The following BOP1 variants were observed in gnomAD, a reference collection of about 807,000 sequenced individuals.
BOP1 encodes the protein BOP1 ribosomal biogenesis factor, also known as ribosome biogenesis protein BOP1.
A neutral mutation model predicts 82.9 loss-of-function variants in BOP1; 54 were observed. That is an observed-to-expected ratio of 0.65 (90% CI 0.52 to 0.82). The LOEUF is 0.82. Among genes scored for constraint, BOP1 ranks in the 40% least tolerant of loss-of-function variants. The pLI is 0.00. For synonymous variants in BOP1, 566 were observed against 451.1 expected, an observed-to-expected ratio of 1.25 and a Z score of -3.23; for missense variants, 1,170 against 1,072.0, an observed-to-expected ratio of 1.09 and a Z score of -1.28.
chr8:144,283,974 G>C (rs527641596), intron 2 of BOP1, among the ~76,000 whole-genome samples: 1 of 152,194 alleles, frequency 6.6e-6, no homozygotes. Flanking sequence ...GACATTAGCC[G>C]GGCGTGATGA....
chr8:144,290,708 C>G (rs1158797462), intron 1 of BOP1, among the ~76,000 whole-genome samples: 1 of 152,314 alleles, frequency 6.6e-6, no homozygotes, highest in South Asian at 2.1e-4. Flanking sequence ...ATTCGCTTCA[C>G]AAAGCAATGG....
chr8:144,265,093 T>TC lies in BOP1; in HGVS notation c.391-23dup, dbSNP rs2130201550. The TC allele has an allele frequency of 2.5e-6, 4 of 1,600,574 alleles. No homozygotes were observed. In the East Asian group the frequency reaches 8.9e-5, roughly 36 times the overall value. On this transcript the variant is annotated intron_variant, in intron 3 of 15. Transcript: ENST00000569669. ...TGTCCTGCAGCCGGGGGCCACCATGTCGGCATCTGATCCTACAAGGCCCAC... is the reference window on the plus strand; with the variant it reads ...TGTCCTGCAGCCGGGGGCCACCATGTCCGGCATCTGATCCTACAAGGCCCAC...
chr8:144,270,678 G>A (rs111271654), intron 3 of BOP1, among the ~76,000 whole-genome samples: 4,966 of 152,206 alleles, frequency 0.033, 104 homozygotes, highest in Non-Finnish European at 0.05. Context: ...CCAGGCCTGC[G>A]GCAGCCCACC....
In BOP1 at chr8:144,273,430, A is replaced by G. The variant is rs1554838037; in HGVS notation, c.390+2794T>C. 2.0e-5 allele frequency among the ~76,000 whole-genome samples: 3 copies of G among 152,326 alleles called. No homozygotes were observed. The East Asian group carries it at 5.8e-4, about 29-fold the overall frequency. On this transcript the variant is annotated intron_variant, in intron 3 of 15. Coordinates refer to ENST00000569669, the MANE Select transcript of BOP1 (RefSeq NM_015201.5). ...TCGTGGGGGACGGCCCCAGGCCAGC[A>G]CCACGGGGCACAGGAAAGGGACAGC...
rs1815054120 is a variant in BOP1 at position 144,291,083 on chromosome 8, C to T, written c.99+189G>A. Among the ~76,000 whole-genome samples the T allele has an allele frequency of 6.6e-6, 1 of 151,786 alleles. No individual in the cohort carries two copies. The highest frequency in any genetic ancestry group is 2.1e-4 in the South Asian group (1 of 4,816). On this transcript the variant is annotated intron_variant, in intron 1 of 15. Transcript: ENST00000569669. This position sits in a 1 kb window ranked among gnomAD's most constrained non-coding sequence, Gnocchi z 4.1. ...CTCCCCCGTTTCTTTGCTTCCCGGA[C>T]GCCGTCCTTTACCCCGCAGTCCGCT...
At chr8:144,289,583 T>A (rs1041330111) in intron 1 of BOP1, among the ~76,000 whole-genome samples, 17 of 152,180 alleles carry the variant, frequency 1.1e-4, no homozygotes, top group African/African-American at 4.1e-4. Context: ...GACAACCTCC[T>A]CCTCTTGGAG....
chr8:144,268,448 T>C (rs1845432422), intron 3 of BOP1: 2 of 544,762 alleles, frequency 3.7e-6, no homozygotes, highest in Non-Finnish European at 6.5e-6. Context: ...TCTGAAAATT[T>C]TGTATAATTA....
Position 144,264,474 on chromosome 8 carries a change from G to A in BOP1, c.766-37C>T, listed in dbSNP as rs979043581. 7.5e-3 allele frequency: 12,074 copies of A among 1,607,574 alleles called. 57 individuals are homozygous for A. The highest frequency in any genetic ancestry group is 9.1e-3 in the Non-Finnish European group (10,725 of 1,179,204). On this transcript the variant is annotated intron_variant, in intron 6 of 15. Coordinates refer to ENST00000569669, the MANE Select transcript of BOP1 (RefSeq NM_015201.5). ...GCCGGGTCAGGACGGGCAGTGCGGG[G>A]CGGTCAGCCCAGGCCAAGCCCCAGG...
chr8:144,264,884 C>T, intron 4 of BOP1, 33 bp downstream of exon 4: 1 of 1,608,814 alleles, frequency 6.2e-7, no homozygotes, highest in Non-Finnish European at 8.5e-7. Flanking sequence ...TCGGGCCCAC[C>T]CCGGCTGCTG....
In BOP1 at chr8:144,276,184, C is replaced by G. The variant is rs903921496; in HGVS notation, c.390+40G>C. ...AGCACCTGCTAGGCTGTGATGGAAG[C>G]CGCCCCACCCTGCCCAGTGGGAAGC... is the stretch of plus-strand genomic sequence containing the variant. On this transcript the variant is annotated intron_variant, in intron 3 of 15. Coordinates refer to ENST00000569669, the MANE Select transcript of BOP1 (RefSeq NM_015201.5). The G allele has an allele frequency of 6.3e-5, 102 of 1,607,784 alleles. No individual in the cohort carries two copies. The African/African-American group carries it at 1.2e-3, about 19-fold the overall frequency.
intron 2 of BOP1, among the ~76,000 whole-genome samples, chr8:144,277,124 C>T (rs984180155): frequency 4.6e-5 from 7 of 152,354 alleles, no homozygotes; most frequent in African/African-American, 7.2e-5. Flanking sequence ...GTAAAGTGCT[C>T]GGGCGCAGGA....
Position 144,281,517 on chromosome 8 carries a change from CCAGG to C in BOP1, c.310-5217_310-5214del, listed in dbSNP as rs1845680582. 6.8e-5 allele frequency among the ~76,000 whole-genome samples: 4 copies of C among 58,948 alleles called. 1 individual carries two copies. The highest frequency in any genetic ancestry group is 2.0e-4 in the African/African-American group (4 of 19,780). 38.7% of individuals were successfully genotyped at this position (58,948 alleles called of 152,430 possible). A position where few individuals can be genotyped will look rare whatever the true frequency, so the allele number is the denominator to read the frequency against. The stretch of plus-strand genomic sequence containing the variant: ...TCTTTGGCCTTCCCTCAGTTTAATA[CCAGG>C]TCTTCGGCCTTCCCTCAGTTTAATA... On this transcript the variant is annotated intron_variant, in intron 2 of 15. Coordinates refer to ENST00000569669, the MANE Select transcript of BOP1 (RefSeq NM_015201.5).
chr8:144,279,084 C>A (rs587684834), intron 2 of BOP1, among the ~76,000 whole-genome samples: 1 of 39,978 alleles, frequency 2.5e-5, no homozygotes, highest in South Asian at 1.0e-3. Context: ...GGGCCATGAC[C>A]ACCAAGGGCC....
intron 3 of BOP1, chr8:144,266,801 G>C: frequency 8.8e-7 from 1 of 1,135,158 alleles, no homozygotes; most frequent in Non-Finnish European, 1.1e-6. Context: ...CGGGCCGGGG[G>C]CGGGGGGCCA....
rs1845226045 is a variant in BOP1 at position 144,262,474 on chromosome 8, G to A, written c.2009C>T (p.Ala670Val). Residue 670 changes from alanine (A) to valine (V), a missense_variant, in exon 15 of 16, where the codon GCC becomes GTC. Physicochemically the swap from Ala to Val is moderately conservative, Grantham distance 64. Transcript: ENST00000569669. ...RHHKKALRAV[A>V]FHPRYPLFAS... ...AAAGAGTGGGTACCGCGGGTGGAAG[G>A]CCACAGCCCGCAGAGCCTTCTTGTG... The A allele has an allele frequency of 1.9e-6, 3 of 1,612,900 alleles. No homozygotes were observed. The highest frequency in any genetic ancestry group is 2.5e-6 in the Non-Finnish European group (3 of 1,179,826).
At position 144,263,006 on chromosome 8, in the gene BOP1, G is replaced by A; in HGVS notation, c.1741C>T (p.Gln581Ter). The stretch of plus-strand genomic sequence containing the variant: ...GGGTGGAAGGCCACTCGCTGCACCT[G>A]TCCGTGGCTGCGGCGGAACGGACTC... Reference protein sequence around the residue: ...SQSPFRRSHGQVQRVAFHPAR... With the variant: ...SQSPFRRSHG Residue 581 changes from glutamine (Q) to a stop codon, truncating the protein, a stop_gained, in exon 13 of 16, where the codon CAG becomes TAG. Coordinates refer to ENST00000569669, the MANE Select transcript of BOP1 (RefSeq NM_015201.5). LOFTEE classifies it high-confidence loss of function. 1.3e-6 allele frequency: 2 copies of A among 1,559,062 alleles called. No homozygotes were observed. Among genetic ancestry groups the A allele is most frequent in the South Asian group, 1.2e-5 (1 of 86,202 alleles).
chr8:144,269,354 C>T (rs988521242), intron 3 of BOP1, among the ~76,000 whole-genome samples: 19 of 152,160 alleles, frequency 1.2e-4, no homozygotes, highest in African/African-American at 4.6e-4. Context: ...GGCGTCAGGG[C>T]GGCGGCCGGC....
At chr8:144,275,507 G>A (rs1050804298) in intron 3 of BOP1, among the ~76,000 whole-genome samples, 2 of 150,772 alleles carry the variant, frequency 1.3e-5, no homozygotes, top group Admixed American at 6.6e-5. Flanking sequence ...CCACGCTGGC[G>A]GAGCCCAGCC....
chr8:144,263,768 A>AGGCGGC lies in BOP1; in HGVS notation c.1222-13_1222-8dup. 1.3e-6 allele frequency: 2 copies of AGGCGGC among 1,589,660 alleles called. No individual in the cohort carries two copies. Among genetic ancestry groups the AGGCGGC allele is most frequent in the Non-Finnish European group, 1.7e-6 (2 of 1,169,334 alleles). ...CACTGTGGCCCCTGTAGACCTGAGG[A>AGGCGGC]GGCGGCGGCAGTGAGGAGTCAGACT... On this transcript the variant is annotated splice_polypyrimidine_tract_variant and splice_region_variant and intron_variant, in intron 9 of 15. Coordinates refer to ENST00000569669, the MANE Select transcript of BOP1 (RefSeq NM_015201.5).
Sources: allele counts gnomAD v4.1 joint callset (sites outside exome capture counted in the v4.1 genomes callset), GRCh38; gene constraint gnomAD v4.1.1; non-coding constraint Gnocchi (gnomAD v3.1); transcripts MANE v1.5; gene names NCBI Gene and HGNC (gene_info 2026-07-23, HGNC 2026-07-21).